The following ZNF385D variants were observed in gnomAD, a reference collection of about 807,000 sequenced individuals.
ZNF385D encodes zinc finger protein 385D.
Under a neutral mutation model 35.8 loss-of-function variants are expected in ZNF385D, and 15 were observed. The observed-to-expected ratio is 0.42, with a 90% CI of 0.28 to 0.64. The LOEUF (loss-of-function observed/expected upper bound fraction) is 0.64. Among genes scored for constraint, ZNF385D ranks in the 30% least tolerant of loss-of-function variants. The pLI is 0.23. For synonymous variants in ZNF385D, 212 were observed against 186.8 expected, an observed-to-expected ratio of 1.13 and a Z score of -1.10; for missense variants, 474 against 494.6, an observed-to-expected ratio of 0.96 and a Z score of 0.39.
At chr3:22,222,011 C>G (rs535993419) in intron 2 of ZNF385D, among the ~76,000 whole-genome samples, 1 of 151,724 alleles carries the variant, frequency 6.6e-6, no homozygotes, top group East Asian at 1.9e-4. Context: ...CAGTCTCATT[C>G]CATCGTCCAG....
chr3:21,691,089 A>G (rs79069758), intron 1 of ZNF385D, among the ~76,000 whole-genome samples: 2,315 of 152,202 alleles, frequency 0.015, 76 homozygotes, highest in African/African-American at 0.053. Flanking sequence ...CCTGGACCAC[A>G]TGGTCAAACA....
chr3:22,079,694 T>G (rs1045954022), intron 3 of ZNF385D, among the ~76,000 whole-genome samples: 2 of 152,028 alleles, frequency 1.3e-5, no homozygotes, highest in African/African-American at 4.8e-5. Flanking sequence ...AAAACCAGAT[T>G]AAATATGTCT....
At chr3:21,510,152 G>A (rs1288875342) in intron 4 of ZNF385D, among the ~76,000 whole-genome samples, 1 of 152,104 alleles carries the variant, frequency 6.6e-6, no homozygotes, top group African/African-American at 2.4e-5. Context: ...TTTCTCTGTA[G>A]ATTTCGAAAA....
chr3:21,705,060 C>T (rs1216193773), intron 1 of ZNF385D, among the ~76,000 whole-genome samples: 1 of 152,138 alleles, frequency 6.6e-6, no homozygotes, highest in Non-Finnish European at 1.5e-5. Flanking sequence ...ATGTAGGGTT[C>T]GTGTTGCCAG....
At chr3:22,113,583 A>T (rs1702649838) in intron 3 of ZNF385D, among the ~76,000 whole-genome samples, 1 of 152,136 alleles carries the variant, frequency 6.6e-6, no homozygotes, top group Non-Finnish European at 1.5e-5. Context: ...ATTACTGTCA[A>T]TAAAGGTAGT....
intron 2 of ZNF385D, among the ~76,000 whole-genome samples, chr3:21,586,336 A>T (rs1211571203): frequency 6.6e-6 from 1 of 152,204 alleles, no homozygotes; most frequent in Non-Finnish European, 1.5e-5. Flanking sequence ...TAAATGAAAT[A>T]ATATAAGCAA....
At chr3:22,249,961 G>T (rs983508923) in intron 2 of ZNF385D, among the ~76,000 whole-genome samples, 1 of 152,084 alleles carries the variant, frequency 6.6e-6, no homozygotes, top group African/African-American at 2.4e-5. Context: ...TTCTCAGGGA[G>T]ATATTATCAA....
Position 21,510,996 on chromosome 3 carries a change from T to C in ZNF385D, c.304A>G (p.Thr102Ala). ...GCTTTGAGCTTCTTGGCATGTTTCG[T>C]GCCTTTGTAGTGGGCCGCAGCCTGG... is the stretch of plus-strand genomic sequence containing the variant. Reference protein sequence around the residue: ...DSQAAAHYKGTKHAKKLKALE... With the variant: ...DSQAAAHYKGAKHAKKLKALE... The change falls in exon 4 of 8, where the codon ACG becomes GCG. Residue 102 changes from threonine (T) to alanine (A), a missense_variant. Physicochemically the swap from Thr to Ala is moderately conservative, Grantham distance 58. Transcript: ENST00000281523. 1 of 1,614,092 alleles carries C rather than the reference T, an allele frequency of 6.2e-7. No homozygotes were observed. Among genetic ancestry groups the C allele is most frequent in the African/African-American group, 1.3e-5 (1 of 75,036 alleles).
chr3:22,276,600 G>A (rs1461234037), intron 2 of ZNF385D, among the ~76,000 whole-genome samples: 1 of 152,086 alleles, frequency 6.6e-6, no homozygotes, highest in African/African-American at 2.4e-5. Flanking sequence ...TGGATTAAAT[G>A]GGAAATGCAT....
chr3:22,122,533 G>C (rs1265910956), intron 3 of ZNF385D, among the ~76,000 whole-genome samples: 1 of 152,088 alleles, frequency 6.6e-6, no homozygotes, highest in Non-Finnish European at 1.5e-5. Context: ...TCTAGGTGCT[G>C]ATGACACAGC....
intron 3 of ZNF385D, among the ~76,000 whole-genome samples, chr3:22,001,165 A>G (rs1280801147): frequency 6.6e-6 from 1 of 152,148 alleles, no homozygotes; most frequent in Non-Finnish European, 1.5e-5. Context: ...TCTTGAATAT[A>G]AACAGACTAA....
chr3:21,887,133 T>C (rs147412395), intron 3 of ZNF385D, among the ~76,000 whole-genome samples: 1 of 152,252 alleles, frequency 6.6e-6, no homozygotes, highest in African/African-American at 2.4e-5. Context: ...CCTACAAATT[T>C]TACCTTTGAG....
intron 4 of ZNF385D, among the ~76,000 whole-genome samples, chr3:21,467,354 A>G (rs1212050142): frequency 1.3e-5 from 2 of 152,206 alleles, no homozygotes; most frequent in South Asian, 2.1e-4. Context: ...CCAAAACATT[A>G]TTCTGATTCT....
At chr3:22,015,863 G>A (rs916973766) in intron 3 of ZNF385D, among the ~76,000 whole-genome samples, 5 of 152,056 alleles carry the variant, frequency 3.3e-5, no homozygotes, top group Non-Finnish European at 5.9e-5. Context: ...GCCCAGGGCT[G>A]CATCTGCAAG....
rs1339935894 is a variant in ZNF385D, at chr3:21,539,155, T to TG, written c.276+25418dup. Among the ~76,000 whole-genome samples the TG allele has an allele frequency of 6.6e-6, 1 of 151,794 alleles. No homozygotes were observed. Among genetic ancestry groups the TG allele is most frequent in the East Asian group, 1.9e-4 (1 of 5,182 alleles). On this transcript the variant is annotated intron_variant, in intron 3 of 7. Transcript: ENST00000281523. The surrounding 1 kb of genome is among the most constrained non-coding windows in gnomAD (Gnocchi z 4.0). ...ATAATAATGCAACCCTTGACAAACCTGATCAACTCCTATCCCAGGAAGATT... is the reference window on the plus strand; with the variant it reads ...ATAATAATGCAACCCTTGACAAACCTGGATCAACTCCTATCCCAGGAAGATT...
At chr3:22,100,771 C>G (rs2125623860) in intron 3 of ZNF385D, among the ~76,000 whole-genome samples, 1 of 151,570 alleles carries the variant, frequency 6.6e-6, no homozygotes, top group East Asian at 1.9e-4. Context: ...CAGCATGGCA[C>G]ATGTATACAT....
chr3:21,886,325 T>G (rs1335431708), intron 3 of ZNF385D, among the ~76,000 whole-genome samples: 1 of 151,940 alleles, frequency 6.6e-6, no homozygotes, highest in Non-Finnish European at 1.5e-5. Flanking sequence ...TGCACAGTGA[T>G]TGTAGATTTA....
intron 2 of ZNF385D, among the ~76,000 whole-genome samples, chr3:22,330,295 T>C (rs1694876237): frequency 6.6e-6 from 1 of 152,228 alleles, no homozygotes; most frequent in South Asian, 2.1e-4. Flanking sequence ...GTCAGGCTTT[T>C]ATAAAATCAA....
intron 2 of ZNF385D, among the ~76,000 whole-genome samples, chr3:21,631,425 T>C (rs2065278124): frequency 6.6e-6 from 1 of 152,118 alleles, no homozygotes; most frequent in Admixed American, 6.6e-5. Context: ...CTACTACCAT[T>C]ATAAATTCAG....
Sources: allele counts gnomAD v4.1 joint callset (sites outside exome capture counted in the v4.1 genomes callset), GRCh38; gene constraint gnomAD v4.1.1; non-coding constraint Gnocchi (gnomAD v3.1); transcripts MANE v1.5; gene names NCBI Gene and HGNC (gene_info 2026-07-23, HGNC 2026-07-21).